DNASE1: variants seen among roughly 807,000 people sequenced by gnomAD.
DNASE1 encodes deoxyribonuclease 1.
A neutral mutation model predicts 33.9 loss-of-function variants in DNASE1; 40 were observed. That is an observed-to-expected ratio of 1.18 (90% CI 0.92 to 1.54). DNASE1 has a LOEUF of 1.54. Ranked by LOEUF, DNASE1 falls within the 40% of genes most tolerant of loss-of-function variation. DNASE1 has a pLI of 0.00. For missense variants in DNASE1, 518 were observed against 372.6 expected (o/e 1.39, Z -3.21); for synonymous variants, 216 against 160.0 (o/e 1.35, Z -2.64).
intron 4 of DNASE1, 40 bp from the exon 5 acceptor site, chr16:3,656,597 TC>T: frequency 1.3e-6 from 2 of 1,556,578 alleles, no homozygotes; most frequent in Non-Finnish European, 1.8e-6. Flanking sequence ...TGGGGCAGCT[TC>T]CAGCCTGGGG....
intron 1 of DNASE1, among the ~76,000 whole-genome samples, chr16:3,613,445 C>G (rs1372531594): frequency 6.6e-6 from 1 of 152,174 alleles, no homozygotes; most frequent in Non-Finnish European, 1.5e-5. Context: ...GTTCATAACA[C>G]AAGTTTTTGT....
chr16:3,654,962 A>G lies in DNASE1; in HGVS notation c.-84A>G. 2.2e-6 allele frequency: 1 copy of G among 459,852 alleles called. No individual in the cohort carries two copies. Among genetic ancestry groups the G allele is most frequent in the Non-Finnish European group, 3.8e-6 (1 of 263,110 alleles). The allele number at this position is 459,852 out of a possible 1,614,324, so 28.5% of individuals were successfully genotyped here. A position where few individuals can be genotyped will look rare whatever the true frequency, so the allele number is the denominator to read the frequency against. On this transcript the variant is annotated 5_prime_UTR_variant, in exon 1 of 9. Transcript: ENST00000246949. ...GACTACTTTTTTTTCTTTAAGCAGC[A>G]AAAGGAGAAAATTGTCATCAAAGGA...
In DNASE1 at chr16:3,655,478, G is replaced by C. The variant is rs34907394; in HGVS notation, c.105G>C (p.Glu35Asp). The change falls in exon 2 of 9, where the codon GAG becomes GAC. Residue 35 changes from glutamate to aspartate, a missense_variant. Transcript: ENST00000246949. Reference sequence around the variant, plus strand: ...CCTTCAACATCCAGACATTTGGGGAGACCAAGATGTCCAATGCCACCCTCG... The same window carrying C: ...CCTTCAACATCCAGACATTTGGGGACACCAAGATGTCCAATGCCACCCTCG... ...IAAFNIQTFG[E>D]TKMSNATLVS... 4.7e-3 allele frequency: 7,534 copies of C among 1,614,164 alleles called. 33 individuals carry two copies. Among genetic ancestry groups the C allele is most frequent in the Middle Eastern group, 9.2e-3 (56 of 6,062 alleles).
rs2041356456 is a variant in DNASE1 at position 3,622,449 on chromosome 16, G to A, written c.-1359+10443G>A. Among the ~76,000 whole-genome samples, 6 of 152,146 alleles carry A rather than the reference G, an allele frequency of 3.9e-5. No individual in the cohort carries two copies. In the South Asian group the frequency reaches 1.2e-3, roughly 32 times the overall value. On this transcript the variant is annotated intron_variant and NMD_transcript_variant, in intron 1 of 11. Coordinates refer to the DNASE1 transcript ENST00000570769. ...TGTTTACCTATGACCTTATGTTTGTGGGCTTTGCATTCTTTTAGATTGTGT... is the reference window on the plus strand; with the variant it reads ...TGTTTACCTATGACCTTATGTTTGTAGGCTTTGCATTCTTTTAGATTGTGT...
Position 3,657,379 on chromosome 16 carries a change from C to T in DNASE1, c.704+38C>T, listed in dbSNP as rs1468739383. ...TCGCGCTTAGGGCAGACTGAGGGCA[C>T]CTCCAAGGGCAGCCGTGACTCATAG... On this transcript the variant is annotated intron_variant, in intron 7 of 8. Transcript: ENST00000246949. The T allele has an allele frequency of 5.6e-6, 9 of 1,606,254 alleles. No homozygotes were observed. The Admixed American group carries it at 8.3e-5, about 15-fold the overall frequency.
At chr16:3,639,012 GC>G (rs1251822099), upstream of DNASE1, among the ~76,000 whole-genome samples, 1 of 151,984 alleles carries the variant, frequency 6.6e-6, no homozygotes, top group Non-Finnish European at 1.5e-5. Flanking sequence ...TTAAATATAT[GC>G]CGAACTATTG....
intron 1 of DNASE1, among the ~76,000 whole-genome samples, chr16:3,626,118 C>T (rs1361651863): frequency 1.3e-5 from 2 of 151,726 alleles, no homozygotes; most frequent in Non-Finnish European, 2.9e-5. Flanking sequence ...TGTAAAGATA[C>T]CACAGACTAG....
intron 1 of DNASE1, among the ~76,000 whole-genome samples, chr16:3,627,296 A>G (rs2151171230): frequency 6.8e-6 from 1 of 145,988 alleles, no homozygotes; most frequent in East Asian, 2.0e-4. Flanking sequence ...TTTTTTAGAC[A>G]GGGTGGTCTT....
chr16:3,625,503 C>G (rs757894047), intron 1 of DNASE1, among the ~76,000 whole-genome samples: 3 of 151,782 alleles, frequency 2.0e-5, no homozygotes, highest in Non-Finnish European at 4.4e-5. Flanking sequence ...GCACATGCCT[C>G]TACTCCCAGC....
downstream of DNASE1, chr16:3,662,422 A>G: frequency 1.8e-6 from 1 of 559,082 alleles, no homozygotes; most frequent in South Asian, 2.1e-5. Context: ...CCCACCCTGC[A>G]TGAGGCCCCT....
In DNASE1 at chr16:3,654,851, C is replaced by T; in HGVS notation, c.-195C>T. 1 of 407,262 alleles carries T rather than the reference C, an allele frequency of 2.5e-6. No homozygotes were observed. The highest frequency in any genetic ancestry group is 4.3e-6 in the Non-Finnish European group (1 of 231,852). 25.2% of individuals were successfully genotyped at this position (407,262 alleles called of 1,614,324 possible). ...CACAGCTGCCTGAACTTTTAAAACT[C>T]CCAGACACGCACTGCCTGTGCAGGA... On this transcript the variant is annotated 5_prime_UTR_variant, in exon 1 of 9. Transcript: ENST00000246949.
In DNASE1 at chr16:3,627,937, C is replaced by CAA. The variant is rs55920324; in HGVS notation, c.-1358-12755_-1358-12754dup. Among the ~76,000 whole-genome samples, 773 of 80,176 alleles carry CAA rather than the reference C, an allele frequency of 9.6e-3. 15 individuals are homozygous for CAA. Among genetic ancestry groups the CAA allele is most frequent in the African/African-American group, 0.017 (318 of 18,598 alleles). The allele number at this position is 80,176 out of a possible 152,430, so 52.6% of individuals were successfully genotyped here. Reference sequence around the variant, plus strand: ...TTTCAGCATGTATTTTCTATTTCTGCAAAAAAAAAAAAAAAAAAAAAAAAG... The same window carrying CAA: ...TTTCAGCATGTATTTTCTATTTCTGCAAAAAAAAAAAAAAAAAAAAAAAAAAG... On this transcript the variant is annotated intron_variant and NMD_transcript_variant, in intron 1 of 11. Coordinates refer to the DNASE1 transcript ENST00000570769.
intron 1 of DNASE1, among the ~76,000 whole-genome samples, chr16:3,612,301 G>A (rs2040909186): frequency 6.6e-6 from 1 of 150,950 alleles, no homozygotes; most frequent in South Asian, 2.1e-4. Context: ...CCCAGGCTGG[G>A]GTGCAGTGGC....
At chr16:3,658,511 CATCTCTACTAAAATACAAA>C, downstream of DNASE1, 1 of 568,890 alleles carries the variant, frequency 1.8e-6, no homozygotes, top group Non-Finnish European at 3.1e-6. Flanking sequence ...GTGAAAACCC[CATCTCTACTAAAATACAAA>C]ATTAGCCAGG....
In DNASE1 at chr16:3,655,018, T is replaced by C. The variant is rs544504753; in HGVS notation, c.-28T>C. ...CAGATTCTTGACAGCATTCTCGTCA[T>C]CTCTGAGGACATCACCATCATCTCA... On this transcript the variant is annotated 5_prime_UTR_variant, in exon 1 of 9. Transcript: ENST00000246949. 3 of 548,582 alleles carry C rather than the reference T, an allele frequency of 5.5e-6. No homozygotes were observed. In the East Asian group the frequency reaches 8.8e-5, roughly 16 times the overall value. The allele number at this position is 548,582 out of a possible 1,614,324, so 34.0% of individuals were successfully genotyped here.
chr16:3,615,751 A>G (rs2041078101), intron 1 of DNASE1, among the ~76,000 whole-genome samples: 1 of 152,216 alleles, frequency 6.6e-6, no homozygotes, highest in African/African-American at 2.4e-5. Flanking sequence ...TTCAGGGCAA[A>G]AAGGCAAAGG....
Position 3,654,862 on chromosome 16 carries a change from A to C in DNASE1, c.-184A>C, listed in dbSNP as rs1197761841. On this transcript the variant is annotated 5_prime_UTR_variant, in exon 1 of 9. Coordinates refer to ENST00000246949, the MANE Select transcript of DNASE1 (RefSeq NM_005223.4). Reference sequence around the variant, plus strand: ...GAACTTTTAAAACTCCCAGACACGCACTGCCTGTGCAGGATCCGGAGCCCA... The same window carrying C: ...GAACTTTTAAAACTCCCAGACACGCCCTGCCTGTGCAGGATCCGGAGCCCA... 1.2e-5 allele frequency: 5 copies of C among 412,922 alleles called. No individual in the cohort carries two copies. Among genetic ancestry groups the C allele is most frequent in the Non-Finnish European group, 2.1e-5 (5 of 235,384 alleles). 25.6% of individuals were successfully genotyped at this position (412,922 alleles called of 1,614,324 possible). A position where few individuals can be genotyped will look rare whatever the true frequency, so the allele number is the denominator to read the frequency against.
intron 1 of DNASE1, among the ~76,000 whole-genome samples, chr16:3,630,856 T>C (rs2151177031): frequency 6.6e-6 from 1 of 152,060 alleles, no homozygotes. Flanking sequence ...AAAGTAAAAA[T>C]AAAAAAGTAA....
At position 3,657,952 on chromosome 16, in the gene DNASE1, G is replaced by C; in HGVS notation, c.848G>C (p.Ter283SerextTer8). Reference protein sequence around the residue: ...DHYPVEVMLK* With the variant: ...DHYPVEVMLKS The stretch of plus-strand genomic sequence containing the variant: ...TATCCAGTGGAGGTGATGCTGAAGT[G>C]AGCAGCCCCTCCCCACACCAGTTGA... The change falls in exon 9 of 9, where the codon TGA (stop) becomes TCA (serine). Residue 283 changes from the stop codon to serine, a stop_lost. Transcript: ENST00000246949. 1 of 1,613,904 alleles carries C rather than the reference G, an allele frequency of 6.2e-7. No homozygotes were observed. The highest frequency in any genetic ancestry group is 8.5e-7 in the Non-Finnish European group (1 of 1,179,944).
Sources: gnomAD v4.1 joint callset for allele counts (sites outside exome capture counted in the v4.1 genomes callset) on GRCh38, gnomAD v4.1.1 for gene constraint, MANE v1.5 for transcripts, NCBI Gene and HGNC (gene_info 2026-07-23, HGNC 2026-07-21) for gene names.